The following RIMS2 variants were observed in gnomAD, a reference collection of about 807,000 sequenced individuals.
RIMS2 encodes regulating synaptic membrane exocytosis 2, also known as regulating synaptic membrane exocytosis protein 2.
In RIMS2, 59 loss-of-function variants were observed where a neutral mutation model predicts 174.4. The ratio of observed to expected loss-of-function variants is 0.34; its 90% CI spans 0.27 to 0.42. RIMS2 has a LOEUF of 0.42. Ranked by LOEUF, RIMS2 falls within the 10% of genes least tolerant of loss-of-function variation. The pLI, the probability that RIMS2 is intolerant of heterozygous loss-of-function variation, is 1.00. For synonymous variants in RIMS2, 606 were observed against 572.5 expected (o/e 1.06, Z -0.84); for missense variants, 1,620 against 1,666.3 (o/e 0.97, Z 0.48).
chr8:103,919,401 T>G (rs2077188057), intron 9 of RIMS2, among the ~76,000 whole-genome samples: 1 of 151,800 alleles, frequency 6.6e-6, no homozygotes, highest in Non-Finnish European at 1.5e-5. Flanking sequence ...ATGGGCAAAT[T>G]GCATAGTCTA....
intron 1 of RIMS2, among the ~76,000 whole-genome samples, chr8:103,598,315 G>T (rs561268154): frequency 1.3e-5 from 2 of 152,104 alleles, no homozygotes; most frequent in African/African-American, 4.8e-5. Flanking sequence ...TGATCATACG[G>T]ACATTTGAAG....
At chr8:103,952,740 A>G (rs1237463354) in intron 14 of RIMS2, among the ~76,000 whole-genome samples, 2 of 152,144 alleles carry the variant, frequency 1.3e-5, no homozygotes, top group African/African-American at 2.4e-5. Context: ...CAGCAAGGGA[A>G]CTAAACTGGA....
chr8:103,873,459 A>G (rs1226979461), intron 3 of RIMS2, among the ~76,000 whole-genome samples: 1 of 152,122 alleles, frequency 6.6e-6, no homozygotes, highest in Non-Finnish European at 1.5e-5. Flanking sequence ...CAGTAATAGA[A>G]GTAATATTTC....
At chr8:103,778,896 A>G (rs890069582) in intron 3 of RIMS2, among the ~76,000 whole-genome samples, 2 of 152,136 alleles carry the variant, frequency 1.3e-5, no homozygotes, top group Non-Finnish European at 2.9e-5. Flanking sequence ...CTTTTTCCAC[A>G]TCCTCACCAG....
At chr8:103,877,257 G>T (rs553936649) in intron 3 of RIMS2, among the ~76,000 whole-genome samples, 1 of 151,794 alleles carries the variant, frequency 6.6e-6, no homozygotes, top group South Asian at 2.1e-4. Context: ...GGAGTAAGGT[G>T]GTATCACATA....
intron 8 of RIMS2, 43 bp downstream of exon 11, chr8:103,916,580 G>A: frequency 6.7e-7 from 1 of 1,494,360 alleles, no homozygotes; most frequent in Non-Finnish European, 9.0e-7. Flanking sequence ...AAGTTGAATA[G>A]TGTTAAACAA....
chr8:103,697,439 T>A (rs2097116631), intron 2 of RIMS2, 143 bp downstream of exon 4: 1 of 718,370 alleles, frequency 1.4e-6, no homozygotes, highest in Non-Finnish European at 2.4e-6. Context: ...CCAGACACGA[T>A]GGCTCACGCC....
chr8:104,084,977 T>C (rs1033402463), intron 19 of RIMS2, among the ~76,000 whole-genome samples: 6 of 152,182 alleles, frequency 3.9e-5, no homozygotes, highest in African/African-American at 1.4e-4. Context: ...CTTATCAAAA[T>C]TAGATGACTA....
At chr8:104,069,133 A>G (rs2097153953) in intron 19 of RIMS2, among the ~76,000 whole-genome samples, 1 of 152,214 alleles carries the variant, frequency 6.6e-6, no homozygotes, top group Non-Finnish European at 1.5e-5. Context: ...TATTCAATAA[A>G]TTACATGAGC....
chr8:103,816,451 G>A (rs547570624), intron 3 of RIMS2, among the ~76,000 whole-genome samples: 6 of 152,128 alleles, frequency 3.9e-5, no homozygotes, highest in Non-Finnish European at 8.8e-5. Flanking sequence ...AAGAATGCAG[G>A]ACTTAACCTC....
At chr8:103,749,198 G>A (rs1174991743) in intron 2 of RIMS2, among the ~76,000 whole-genome samples, 1 of 150,448 alleles carries the variant, frequency 6.6e-6, no homozygotes, top group Non-Finnish European at 1.5e-5. Context: ...TGCAAGCTCC[G>A]CCTCCCAGGT....
chr8:104,156,247 G>A (rs1339234889), intron 19 of RIMS2, among the ~76,000 whole-genome samples: 2 of 152,106 alleles, frequency 1.3e-5, no homozygotes, highest in Non-Finnish European at 2.9e-5. Context: ...TCATCTTGTG[G>A]GCTTTCCCTC....
At chr8:103,531,209 C>T (rs1466865656) in intron 1 of RIMS2, among the ~76,000 whole-genome samples, 4 of 151,940 alleles carry the variant, frequency 2.6e-5, no homozygotes. Flanking sequence ...CTGCAGAGTA[C>T]ATACATATTC....
intron 19 of RIMS2, among the ~76,000 whole-genome samples, chr8:104,235,696 C>T (rs568925093): frequency 2.6e-5 from 4 of 151,926 alleles, no homozygotes; most frequent in South Asian, 2.1e-4. Flanking sequence ...ACCACATACA[C>T]GTGGTATGTA....
At chr8:103,911,756 CA>C (rs1235588041) in intron 5 of RIMS2, among the ~76,000 whole-genome samples, 2 of 151,972 alleles carry the variant, frequency 1.3e-5, no homozygotes, top group African/African-American at 4.8e-5. Flanking sequence ...CATGCATTTT[CA>C]AAATTTCTCA....
At chr8:103,878,787 G>A (rs80294941) in intron 3 of RIMS2, among the ~76,000 whole-genome samples, 1,930 of 151,262 alleles carry the variant, frequency 0.013, 46 homozygotes, top group African/African-American at 0.041. Flanking sequence ...AATTGTGCAC[G>A]ATTTTCTAGA....
intron 2 of RIMS2, among the ~76,000 whole-genome samples, chr8:103,710,831 AATTTT>A (rs1223572038): frequency 3.9e-5 from 6 of 152,144 alleles, no homozygotes; most frequent in African/African-American, 1.2e-4. Context: ...GATTTTTAAA[AATTTT>A]ATTTTATTTT....
rs377483517 is a variant in RIMS2, at chr8:103,877,957, T to C, written c.699-7341T>C. On this transcript the variant is annotated intron_variant, in intron 3 of 23. Transcript: ENST00000504942. ...TTGTAGAGATCTTTCACCTCTGATA[T>C]GGTTAGGCTTTGTGTCCCCACCAAA... Among the ~76,000 whole-genome samples the C allele has an allele frequency of 7.2e-5, 11 of 151,970 alleles. No homozygotes were observed. In the East Asian group the frequency reaches 2.1e-3, roughly 29 times the overall value.
chr8:103,829,600 G>T (rs1249251050), intron 3 of RIMS2, among the ~76,000 whole-genome samples: 1 of 152,124 alleles, frequency 6.6e-6, no homozygotes, highest in African/African-American at 2.4e-5. Context: ...CCAATTTGAT[G>T]CAGGAACACA....
Sources: allele counts gnomAD v4.1 joint callset (sites outside exome capture counted in the v4.1 genomes callset), GRCh38; gene constraint gnomAD v4.1.1; transcripts MANE v1.5; gene names NCBI Gene and HGNC (gene_info 2026-07-23, HGNC 2026-07-21).